The following AKAP13 variants were observed in gnomAD, a reference collection of about 807,000 sequenced individuals.
AKAP13 encodes A-kinase anchor protein 13.
In AKAP13, 80 loss-of-function variants were observed where a neutral mutation model predicts 264.5. That is an observed-to-expected ratio of 0.30 (90% CI 0.25 to 0.36). The LOEUF (loss-of-function observed/expected upper bound fraction) is 0.36. Among genes scored for constraint, AKAP13 ranks in the 10% least tolerant of loss-of-function variants. The pLI is 1.00. For synonymous variants in AKAP13, 1,380 were observed against 1,250.2 expected (o/e 1.10, Z -2.19); for missense variants, 3,712 against 3,435.2 (o/e 1.08, Z -2.01).
intron 1 of AKAP13, among the ~76,000 whole-genome samples, chr15:85,462,119 G>T (rs2074542917): frequency 6.6e-6 from 1 of 152,200 alleles, no homozygotes; most frequent in Non-Finnish European, 1.5e-5. Context: ...GTATGTGGAA[G>T]ACCAGCAGTC....
At chr15:85,648,407 T>A (rs2082656550) in intron 10 of AKAP13, among the ~76,000 whole-genome samples, 1 of 152,210 alleles carries the variant, frequency 6.6e-6, no homozygotes, top group African/African-American at 2.4e-5. Flanking sequence ...GTCACTTAAT[T>A]GAATGGTTTT....
Position 85,655,363 on chromosome 15 carries a change from GCTAT to G in AKAP13, c.4375-51_4375-48del, listed in dbSNP as rs1322705699. ...ATTGGCTTGATCTAGAATAACTGAGGCTATCTGATTGGCCCTGCTGGCTTCAACC... is the reference window on the plus strand; with the variant it reads ...ATTGGCTTGATCTAGAATAACTGAGGCTGATTGGCCCTGCTGGCTTCAACC... On this transcript the variant is annotated intron_variant, in intron 10 of 36. Transcript: ENST00000394518. 6.7e-5 allele frequency: 105 copies of G among 1,566,168 alleles called. No homozygotes were observed. The Admixed American group carries it at 1.8e-3, about 26-fold the overall frequency.
intron 1 of AKAP13, among the ~76,000 whole-genome samples, chr15:85,441,090 T>A (rs746636324): frequency 3.3e-5 from 5 of 152,118 alleles, no homozygotes; most frequent in Non-Finnish European, 7.3e-5. Flanking sequence ...TACCTAGGAG[T>A]GGAATTGCTG....
intron 8 of AKAP13, among the ~76,000 whole-genome samples, chr15:85,603,469 T>C (rs2080182700): frequency 6.6e-6 from 1 of 152,262 alleles, no homozygotes; most frequent in Non-Finnish European, 1.5e-5. Context: ...AAAGGTCTCC[T>C]CAAGGTTTTG....
intron 35 of AKAP13, among the ~76,000 whole-genome samples, chr15:85,742,751 T>G (rs1324644499): frequency 2.0e-5 from 3 of 152,234 alleles, no homozygotes; most frequent in Non-Finnish European, 4.4e-5. Flanking sequence ...CAGATCTGCC[T>G]GTGTTTTGAA....
chr15:85,700,896 TAAATA>T (rs1433523839), intron 17 of AKAP13, among the ~76,000 whole-genome samples: 6 of 152,184 alleles, frequency 3.9e-5, no homozygotes, highest in African/African-American at 1.2e-4. Context: ...TACTCAAAAT[TAAATA>T]AAGAAATTAG....
intron 8 of AKAP13, among the ~76,000 whole-genome samples, chr15:85,618,535 C>A (rs993071716): frequency 2.6e-5 from 4 of 152,086 alleles, no homozygotes; most frequent in African/African-American, 9.7e-5. Context: ...CCTTTTCCCT[C>A]CCAAATCATT....
At chr15:85,470,605 T>G (rs772108874) in intron 1 of AKAP13, among the ~76,000 whole-genome samples, 2 of 152,242 alleles carry the variant, frequency 1.3e-5, no homozygotes, top group Non-Finnish European at 2.9e-5. Flanking sequence ...ACGATCGGTC[T>G]TTTTAAAGTA....
chr15:85,610,761 A>G (rs1408894229), intron 8 of AKAP13, among the ~76,000 whole-genome samples: 1 of 152,182 alleles, frequency 6.6e-6, no homozygotes, highest in Non-Finnish European at 1.5e-5. Flanking sequence ...GGATCACCTG[A>G]GGTCAGGAGA....
rs186355941 is a variant in AKAP13 at position 85,717,983 on chromosome 15, A to T, written c.5849-24A>T. ...TTTACAGGTCACAAACCTGATTCTGATATTGATTTTTTGATATATTGAGGA... is the reference window on the plus strand; with the variant it reads ...TTTACAGGTCACAAACCTGATTCTGTTATTGATTTTTTGATATATTGAGGA... On this transcript the variant is annotated intron_variant, in intron 21 of 36. Coordinates refer to ENST00000394518, the MANE Select transcript of AKAP13 (RefSeq NM_007200.5). 24 of 1,607,300 alleles carry T rather than the reference A, an allele frequency of 1.5e-5. No homozygotes were observed. In the African/African-American group the frequency reaches 3.2e-4, roughly 21 times the overall value.
chr15:85,540,827 G>A (rs1412062197), intron 4 of AKAP13, among the ~76,000 whole-genome samples: 2 of 152,206 alleles, frequency 1.3e-5, no homozygotes, highest in South Asian at 2.1e-4. Flanking sequence ...ACCTAAAACT[G>A]GGGGTATATG....
chr15:85,563,394 A>G (rs1262346617), intron 5 of AKAP13, among the ~76,000 whole-genome samples: 2 of 136,390 alleles, frequency 1.5e-5, no homozygotes, highest in African/African-American at 2.7e-5. Context: ...CAGTTTGTCC[A>G]ACATTTTGTC....
chr15:85,593,750 A>G (rs1192994069), intron 8 of AKAP13, among the ~76,000 whole-genome samples: 3 of 152,088 alleles, frequency 2.0e-5, no homozygotes, highest in Non-Finnish European at 4.4e-5. Flanking sequence ...AAATAACTGT[A>G]TCTGAGTCTT....
intron 8 of AKAP13, among the ~76,000 whole-genome samples, chr15:85,603,629 A>C (rs2080191035): frequency 6.6e-6 from 1 of 152,204 alleles, no homozygotes; most frequent in Non-Finnish European, 1.5e-5. Flanking sequence ...CAGTCCCATC[A>C]GCTATACTTT....
chr15:85,574,372 GGTGGAATTGGAGGTGCTGTA>G (rs1180356609), intron 5 of AKAP13, among the ~76,000 whole-genome samples: 13 of 152,192 alleles, frequency 8.5e-5, no homozygotes, highest in African/African-American at 3.1e-4. Flanking sequence ...TGGATGCAAG[GGTGGAATTGGAGGTGCTGTA>G]GCCTTTAGAG....
chr15:85,412,648 A>C (rs1220726326), intron 1 of AKAP13, among the ~76,000 whole-genome samples: 1 of 152,238 alleles, frequency 6.6e-6, no homozygotes, highest in African/African-American at 2.4e-5. Flanking sequence ...TGGGATTCTC[A>C]GTTTTTAAGA....
chr15:85,711,361 C>T (rs181018209), intron 19 of AKAP13, among the ~76,000 whole-genome samples: 1 of 152,314 alleles, frequency 6.6e-6, no homozygotes, highest in East Asian at 1.9e-4. Flanking sequence ...TTTCACTCCC[C>T]ATTCCCTGTC....
chr15:85,631,502 T>TCTCA (rs1372440393), intron 8 of AKAP13, among the ~76,000 whole-genome samples: 45 of 141,056 alleles, frequency 3.2e-4, no homozygotes, highest in South Asian at 1.6e-3. Flanking sequence ...TCTCTCTCTC[T>TCTCA]CACACACACA....
intron 23 of AKAP13, among the ~76,000 whole-genome samples, chr15:85,720,447 G>A (rs747413712): frequency 6.6e-6 from 1 of 152,158 alleles, no homozygotes; most frequent in Admixed American, 6.5e-5. Context: ...TATGGTTTTA[G>A]TCATACTCCA....
Sources: allele counts gnomAD v4.1 joint callset (sites outside exome capture counted in the v4.1 genomes callset), GRCh38; gene constraint gnomAD v4.1.1; transcripts MANE v1.5; gene names NCBI Gene and HGNC (gene_info 2026-07-23, HGNC 2026-07-21).